Variants in RIF1 observed in about 807,000 individuals in gnomAD.
RIF1 encodes the protein replication timing regulatory factor 1.
RIF1 carries 45 observed loss-of-function variants against 247.1 expected under a neutral mutation model. That is an observed-to-expected ratio of 0.18 (90% CI 0.14 to 0.23). RIF1 has a LOEUF of 0.23. RIF1 is among the 10% of genes least tolerant of loss of function. RIF1 has a pLI of 1.00. For missense variants in RIF1, 2,967 were observed against 2,862.5 expected, an observed-to-expected ratio of 1.04 and a Z score of -0.83; for synonymous variants, 1,087 against 978.8, an observed-to-expected ratio of 1.11 and a Z score of -2.06.
chr2:151,436,806 C>G (rs1573982301), intron 11 of RIF1, 21 bp from the exon 12 acceptor site: 31 of 1,223,328 alleles, frequency 2.5e-5, no homozygotes, highest in Non-Finnish European at 3.3e-5. Context: ...TGACTTAACT[C>G]TTTTTTTTTT....
At chr2:151,474,609 G>A (rs892826206) in intron 35 of RIF1, among the ~76,000 whole-genome samples, 1 of 152,176 alleles carries the variant, frequency 6.6e-6, no homozygotes, top group Non-Finnish European at 1.5e-5. Context: ...CTATGAGGCA[G>A]AGGTTGCAGT....
chr2:151,525,117 C>T, the RIF1 span: 2 of 1,335,830 alleles, frequency 1.5e-6, no homozygotes, highest in Non-Finnish European at 2.2e-6. Context: ...ATCTGGGTTC[C>T]ACTGCTTCAA....
chr2:151,446,002 C>A (rs141002263), intron 19 of RIF1, among the ~76,000 whole-genome samples: 2 of 152,228 alleles, frequency 1.3e-5, no homozygotes, highest in African/African-American at 4.8e-5. Context: ...GGTTATTACC[C>A]TGTGTTAGTC....
chr2:151,498,436 G>A, intron 10 of RIF1: 1 of 920,414 alleles, frequency 1.1e-6, no homozygotes, highest in Non-Finnish European at 1.7e-6. Flanking sequence ...GGAGTGGGAA[G>A]GGAGGAAGAG....
At chr2:151,428,214 G>A (rs1002124576) in intron 8 of RIF1, among the ~76,000 whole-genome samples, 2 of 152,178 alleles carry the variant, frequency 1.3e-5, no homozygotes, top group African/African-American at 4.8e-5. Context: ...GGGCGACAGA[G>A]CGAGATTCCC....
chr2:151,475,064 C>T lies in RIF1; in HGVS notation c.7412C>T (p.Ser2471Phe). ...TGGAGATCACCATCCCATGAAAATTCTATTTAGTATTTTCAGAGAAAATTG... is the reference window on the plus strand; with the variant it reads ...TGGAGATCACCATCCCATGAAAATTTTATTTAGTATTTTCAGAGAAAATTG... ...SRWRSPSHEN[S>F]I The change falls in exon 36 of 36, where the codon TCT (serine) becomes TTT (phenylalanine). Residue 2471 changes from serine to phenylalanine, a missense_variant. Ser to Phe is a radical substitution (Grantham distance 155, BLOSUM62 -2). Transcript: ENST00000444746. 6.2e-7 allele frequency: 1 copy of T among 1,603,740 alleles called. No individual in the cohort carries two copies. Among genetic ancestry groups the T allele is most frequent in the Non-Finnish European group, 8.5e-7 (1 of 1,171,448 alleles).
At chr2:151,518,847 C>T in the RIF1 span, 4 of 666,922 alleles carry the variant, frequency 6.0e-6, no homozygotes, top group Non-Finnish European at 1.1e-5. Context: ...CAAATGAGAA[C>T]AGTTTTGTAA....
At chr2:151,418,394 A>G (rs1221085775) in intron 6 of RIF1, among the ~76,000 whole-genome samples, 2 of 152,130 alleles carry the variant, frequency 1.3e-5, no homozygotes, top group Admixed American at 6.6e-5. Context: ...TAGCAGAGAC[A>G]GGGTTTTGCC....
chr2:151,410,430 G>A lies in RIF1; in HGVS notation c.7G>A (p.Ala3Thr), dbSNP rs1202021364. MT[A>T]RGQSPLAPLL... ...GGGCCTCAGGGTGGCCGACATGACG[G>A]CCAGGGGTCAGAGCCCCCTCGCGCC... Residue 3 changes from alanine to threonine, a missense_variant, in exon 2 of 36, where the codon GCC becomes ACC. By Grantham distance (58) the Ala-to-Thr change is moderately conservative. Coordinates refer to ENST00000444746, the MANE Select transcript of RIF1 (RefSeq NM_018151.5). The A allele has an allele frequency of 3.7e-6, 6 of 1,612,826 alleles. No homozygotes were observed. In the Admixed American group the frequency reaches 5.0e-5, roughly 13 times the overall value.
chr2:151,499,361 C>A, exon 11 of RIF1: 5 of 1,546,222 alleles, frequency 3.2e-6, no homozygotes, highest in Non-Finnish European at 4.4e-6. Flanking sequence ...GGATTGGAAT[C>A]CCTTTTCCAA....
At chr2:151,525,993 C>G in the RIF1 span, 1 of 1,614,014 alleles carries the variant, frequency 6.2e-7, no homozygotes, top group South Asian at 1.1e-5. Flanking sequence ...TTGACGTGAA[C>G]AGTGTCCCGG....
At position 151,465,454 on chromosome 2, in the gene RIF1, T is replaced by C; in HGVS notation, c.5934T>C (p.Asn1978=). The C allele has an allele frequency of 6.2e-7, 1 of 1,614,104 alleles. No homozygotes were observed. The highest frequency in any genetic ancestry group is 1.1e-5 in the South Asian group (1 of 91,076). Residue 1978 remains asparagine (N), a synonymous_variant, in exon 30 of 36, where the codon AAT becomes AAC. Coordinates refer to ENST00000444746, the MANE Select transcript of RIF1 (RefSeq NM_018151.5). ...ATTCAGATATTAGTCTTTCTGATAA[T>C]ACTACACCTGTAAAATTGAATGCTC... ...EFNSDISLSD[N]TTPVKLNAQT...
In RIF1 at chr2:151,463,756, A is replaced by G; in HGVS notation, c.4236A>G (p.Lys1412=). Residue 1412 remains lysine (K), a synonymous_variant, in exon 30 of 36, where the codon AAA becomes AAG. Coordinates refer to ENST00000444746, the MANE Select transcript of RIF1 (RefSeq NM_018151.5). ...DSQVQITPNQ[K]TLRRSSRRRS... Reference sequence around the variant, plus strand: ...AGGTTCAGATAACTCCAAATCAGAAAACCCTTAGACGGTCTTCAAGGCGAC... The same window carrying G: ...AGGTTCAGATAACTCCAAATCAGAAGACCCTTAGACGGTCTTCAAGGCGAC... 1 of 1,614,036 alleles carries G rather than the reference A, an allele frequency of 6.2e-7. No individual in the cohort carries two copies.
Position 151,420,326 on chromosome 2 carries a change from T to C in RIF1, c.640T>C (p.Leu214=). ...ATALEMGMPL[L]LQKQQEIASI... Reference sequence around the variant, plus strand: ...TGCTCTGGAGATGGGAATGCCATTATTGCTTCAGAAACAGCAAGAAATAGC... The same window carrying C: ...TGCTCTGGAGATGGGAATGCCATTACTGCTTCAGAAACAGCAAGAAATAGC... The change falls in exon 7 of 36, where the codon TTG becomes CTG. Residue 214 remains leucine (L), a synonymous_variant. Transcript: ENST00000444746. The C allele has an allele frequency of 1.9e-6, 3 of 1,614,200 alleles. No homozygotes were observed. The highest frequency in any genetic ancestry group is 2.5e-6 in the Non-Finnish European group (3 of 1,180,026).
intron 10 of RIF1, chr2:151,496,515 A>T: frequency 6.9e-7 from 1 of 1,439,712 alleles, no homozygotes; most frequent in Non-Finnish European, 9.3e-7. Flanking sequence ...GCCACCAGCT[A>T]CTTTAGTGGA....
At chr2:151,485,238 G>A (rs2049530846), downstream of RIF1, 1 of 152,164 alleles carries the variant, frequency 6.6e-6, no homozygotes, top group Non-Finnish European at 1.5e-5. Context: ...TTTAAATTTA[G>A]ATAATTTTTT....
At position 151,465,592 on chromosome 2, in the gene RIF1, G is replaced by C. The variant is rs1463482915; in HGVS notation, c.6072G>C (p.Met2024Ile). Reference protein sequence around the residue: ...TNTKMKNNEEMMIGEAMAETG... With the variant: ...TNTKMKNNEEIMIGEAMAETG... ...CCAAAATGAAAAATAATGAAGAAAT[G>C]ATGATCGGCGAGGCAATGGCTGAAA... Residue 2024 changes from methionine to isoleucine, a missense_variant, in exon 30 of 36, where the codon ATG (methionine) becomes ATC (isoleucine). Transcript: ENST00000444746. The C allele has an allele frequency of 8.7e-6, 14 of 1,613,788 alleles. No individual in the cohort carries two copies. The East Asian group carries it at 1.1e-4, about 13-fold the overall frequency.
At chr2:151,507,951 C>G (rs186119200) in exon 14 of RIF1, 1 of 1,311,650 alleles carries the variant, frequency 7.6e-7, no homozygotes, top group African/African-American at 1.5e-5. Flanking sequence ...GAGGCATCTT[C>G]CTCAGCACCC....
the RIF1 span, among the ~76,000 whole-genome samples, chr2:151,517,044 T>A: frequency 8.7e-3 from 1,319 of 152,330 alleles, 10 homozygotes; most frequent in Non-Finnish European, 0.014. Flanking sequence ...GCTTTATTTA[T>A]AAGTAAACAA....
Sources: allele counts gnomAD v4.1 joint callset (sites outside exome capture counted in the v4.1 genomes callset), GRCh38; gene constraint gnomAD v4.1.1; transcripts MANE v1.5; gene names NCBI Gene and HGNC (gene_info 2026-07-23, HGNC 2026-07-21).